WDR35: variants seen among roughly 807,000 people sequenced by gnomAD.
The protein encoded by WDR35 is WD repeat domain 35.
Under a neutral mutation model 158.3 loss-of-function variants are expected in WDR35, and 118 were observed. The observed-to-expected ratio is 0.75, with a 90% CI of 0.64 to 0.87. The LOEUF is 0.87. Among genes scored for constraint, WDR35 ranks in the 40% least tolerant of loss-of-function variants. WDR35 has a pLI of 0.00. For missense variants in WDR35, 1,263 were observed against 1,405.8 expected (o/e 0.90, Z 1.62); for synonymous variants, 448 against 476.1 (o/e 0.94, Z 0.77).
At chr2:19,989,049 T>C in intron 2 of WDR35, 116 bp downstream of exon 2, 1 of 927,956 alleles carries the variant, frequency 1.1e-6, no homozygotes, top group Non-Finnish European at 1.8e-6. Context: ...AATGTTTTGG[T>C]AGTTTTCCCT....
chr2:19,933,478 A>G lies in WDR35; in HGVS notation c.2581T>C (p.Cys861Arg). 1 of 1,613,908 alleles carries G rather than the reference A, an allele frequency of 6.2e-7. No individual in the cohort carries two copies. ...AAAAATGCAGTCACTGCTTGTTCAC[A>G]CATTCCAACTCTGACAAACATTTGT... is the stretch of plus-strand genomic sequence containing the variant. ...IAQMFVRVGMCEQAVTAFLKC... is the reference protein window; with the variant it reads ...IAQMFVRVGMREQAVTAFLKC... The change falls in exon 22 of 27, where the codon TGT (cysteine) becomes CGT (arginine). Residue 861 changes from cysteine (C) to arginine (R), a missense_variant. By Grantham distance (180) the Cys-to-Arg change is radical. Transcript: ENST00000281405.
chr2:19,984,170 C>A (rs1180645479), intron 2 of WDR35, among the ~76,000 whole-genome samples: 1 of 152,106 alleles, frequency 6.6e-6, no homozygotes. Context: ...TGACAAAACA[C>A]ATGCTGACAG....
At chr2:19,968,911 C>T (rs1208001173) in intron 9 of WDR35, among the ~76,000 whole-genome samples, 1 of 152,214 alleles carries the variant, frequency 6.6e-6, no homozygotes, top group African/African-American at 2.4e-5. Context: ...AGACTAGTTT[C>T]TACGAACTCC....
Position 19,980,726 on chromosome 2 carries a change from T to C in WDR35, c.272A>G (p.Glu91Gly). The change falls in exon 4 of 27, where the codon GAA becomes GGA. Residue 91 changes from glutamate to glycine, a missense_variant. Glu to Gly is a moderately conservative substitution (Grantham distance 98). Transcript: ENST00000281405. The stretch of plus-strand genomic sequence containing the variant: ...CATCCACACAATGATAAGCCCGTTT[T>C]CATCACTGGTAGTCAACTTCTGATA... Reference protein sequence around the residue: ...EQYQKLTTSDENGLIIVWMLY... With the variant: ...EQYQKLTTSDGNGLIIVWMLY... 1 of 1,613,816 alleles carries C rather than the reference T, an allele frequency of 6.2e-7. No homozygotes were observed. Among genetic ancestry groups the C allele is most frequent in the South Asian group, 1.1e-5 (1 of 91,068 alleles).
chr2:19,968,334 A>C (rs1377677479), intron 9 of WDR35, among the ~76,000 whole-genome samples: 1 of 152,086 alleles, frequency 6.6e-6, no homozygotes, highest in Non-Finnish European at 1.5e-5. Flanking sequence ...GTGTAGCCAC[A>C]CTCAAGCCAG....
At chr2:19,947,891 T>G (rs2103418725) in intron 14 of WDR35, among the ~76,000 whole-genome samples, 1 of 152,310 alleles carries the variant, frequency 6.6e-6, no homozygotes. Flanking sequence ...GCTTTAAAAC[T>G]TTCTTATTTC....
intron 25 of WDR35, among the ~76,000 whole-genome samples, chr2:19,929,367 G>C (rs1670457619): frequency 6.6e-6 from 1 of 152,110 alleles, no homozygotes; most frequent in Admixed American, 6.6e-5. Context: ...TGATGTATTA[G>C]GATTAGAGTG....
chr2:19,918,642 G>A (rs935296030), intron 25 of WDR35, among the ~76,000 whole-genome samples: 5 of 152,148 alleles, frequency 3.3e-5, no homozygotes, highest in Non-Finnish European at 5.9e-5. Flanking sequence ...AAGCAAAAGA[G>A]ACAAAGAAGG....
In WDR35 at chr2:19,913,436, C is replaced by A; in HGVS notation, c.*122G>T. 1.5e-6 allele frequency: 2 copies of A among 1,304,862 alleles called. No homozygotes were observed. The highest frequency in any genetic ancestry group is 2.1e-6 in the Non-Finnish European group (2 of 945,394). 80.8% of individuals were successfully genotyped at this position (1,304,862 alleles called of 1,614,324 possible). On this transcript the variant is annotated 3_prime_UTR_variant, in exon 27 of 27. Transcript: ENST00000281405. ...ACATATATTTTGTGCAAAAATTCAA[C>A]TATAAATAATGAGGCTGATTTTCAT...
chr2:19,970,677 T>A (rs1056115604), intron 8 of WDR35, among the ~76,000 whole-genome samples: 8 of 152,232 alleles, frequency 5.3e-5, no homozygotes, highest in Admixed American at 2.0e-4. Flanking sequence ...ATCCCACTAT[T>A]TAGCCATAAC....
rs1558361182 is a variant in WDR35 at position 19,982,490 on chromosome 2, T to C, written c.187A>G (p.Met63Val). ...RGLAAPSNLS[M>V]NQTLEGHSGS... is the part of the protein sequence containing the mutation. ...CTATGACCTTCAAGAGTCTGATTCA[T>C]AGAAAGGTTACTGGGGGCTGCAAGG... Residue 63 changes from methionine (M) to valine (V), a missense_variant, in exon 3 of 27, where the codon ATG becomes GTG. By Grantham distance (21) the Met-to-Val change is conservative. Coordinates refer to ENST00000281405, the MANE Select transcript of WDR35 (RefSeq NM_020779.4). The C allele has an allele frequency of 5.6e-6, 9 of 1,613,966 alleles. No homozygotes were observed. Among genetic ancestry groups the C allele is most frequent in the African/African-American group, 2.7e-5 (2 of 75,060 alleles).
At chr2:19,976,391 C>T (rs13401299) in intron 5 of WDR35, among the ~76,000 whole-genome samples, 4,121 of 152,260 alleles carry the variant, frequency 0.027, 164 homozygotes, top group African/African-American at 0.094. Context: ...CCCAATCTGG[C>T]TTCTGCCCCA....
At chr2:19,964,640 T>A (rs1671789548) in intron 10 of WDR35, among the ~76,000 whole-genome samples, 1 of 152,044 alleles carries the variant, frequency 6.6e-6, no homozygotes, top group African/African-American at 2.4e-5. Context: ...CACCTCGGCC[T>A]CCCAAAGTGG....
chr2:19,961,668 CG>C (rs1671664245), intron 10 of WDR35, among the ~76,000 whole-genome samples: 1 of 152,148 alleles, frequency 6.6e-6, no homozygotes, highest in African/African-American at 2.4e-5. Flanking sequence ...AAAAGCAGAC[CG>C]CCAAGAGCAA....
chr2:19,916,722 C>T (rs1670002479), intron 25 of WDR35, among the ~76,000 whole-genome samples: 1 of 152,210 alleles, frequency 6.6e-6, no homozygotes, highest in Admixed American at 6.5e-5. Flanking sequence ...AGCCAGCAGC[C>T]CCAGTCAGGG....
chr2:19,976,079 A>T (rs1377865935), intron 5 of WDR35, among the ~76,000 whole-genome samples: 2 of 152,248 alleles, frequency 1.3e-5, no homozygotes, highest in Admixed American at 6.5e-5. Flanking sequence ...TCCAAGGCTA[A>T]TTCCTCTATG....
rs754088159 is a variant in WDR35 at position 19,941,783 on chromosome 2, A to C, written c.1902T>G (p.Ser634=). Residue 634 remains serine, a synonymous_variant, in exon 17 of 27, where the codon TCT becomes TCG. Transcript: ENST00000281405. ...CCTTTAATATCTCATCCAAAAGAACAGATTTAATTTCTAAATCCTCAAAAT... is the reference window on the plus strand; with the variant it reads ...CCTTTAATATCTCATCCAAAAGAACCGATTTAATTTCTAAATCCTCAAAAT... ...ICNFEDLEIK[S]VLLDEILKDP... 6.4e-7 allele frequency: 1 copy of C among 1,568,962 alleles called. No homozygotes were observed. The highest frequency in any genetic ancestry group is 1.7e-4 in the Middle Eastern group (1 of 5,890).
chr2:19,931,830 T>C (rs1670535273), intron 23 of WDR35, among the ~76,000 whole-genome samples: 1 of 152,180 alleles, frequency 6.6e-6, no homozygotes, highest in African/African-American at 2.4e-5. Context: ...AAGAGATATT[T>C]TTCCTTTTTC....
Position 19,936,200 on chromosome 2 carries a change from C to G in WDR35, c.2414+19G>C, listed in dbSNP as rs1456217079. ...AAGTGTTGCATGAATGCTTGAGGAGCTCCAGGTAAGTTACATACCACTTTT... is the reference window on the plus strand; with the variant it reads ...AAGTGTTGCATGAATGCTTGAGGAGGTCCAGGTAAGTTACATACCACTTTT... On this transcript the variant is annotated intron_variant, in intron 20 of 26. Transcript: ENST00000281405. 6.2e-7 allele frequency: 1 copy of G among 1,613,734 alleles called. No homozygotes were observed. Among genetic ancestry groups the G allele is most frequent in the Non-Finnish European group, 8.5e-7 (1 of 1,179,794 alleles).
Sources: gnomAD v4.1 joint callset for allele counts (sites outside exome capture counted in the v4.1 genomes callset) on GRCh38, gnomAD v4.1.1 for gene constraint, MANE v1.5 for transcripts, NCBI Gene and HGNC (gene_info 2026-07-23, HGNC 2026-07-21) for gene names.